The following CHN1 variants were observed in gnomAD, a reference collection of about 807,000 sequenced individuals.
The protein encoded by CHN1 is chimerin 1, also known as N-chimaerin.
Under a neutral mutation model 59.5 loss-of-function variants are expected in CHN1, and 37 were observed. The observed-to-expected ratio is 0.62, with a 90% CI of 0.48 to 0.82. CHN1 has a LOEUF of 0.82. Ranked by LOEUF, CHN1 falls within the 40% of genes least tolerant of loss-of-function variation. The pLI is 0.00. For synonymous variants in CHN1, 206 were observed against 200.4 expected, an observed-to-expected ratio of 1.03 and a Z score of -0.24; for missense variants, 469 against 571.0, an observed-to-expected ratio of 0.82 and a Z score of 1.82.
rs1252837229 is a variant in CHN1 at position 174,875,571 on chromosome 2, T to C, written c.549+2269A>G. ...GTTTGCCCAAAGTGACATATAAAAT[T>C]CATTCTTGTAGAACTAGAACATAGC... On this transcript the variant is annotated intron_variant, in intron 6 of 12. Transcript: ENST00000409900. 1.7e-4 allele frequency among the ~76,000 whole-genome samples: 26 copies of C among 152,204 alleles called. 1 individual carries two copies. Among genetic ancestry groups the C allele is most frequent in the Admixed American group, 1.7e-3 (26 of 15,292 alleles).
chr2:174,898,028 TAC>T (rs1688273013), intron 5 of CHN1, among the ~76,000 whole-genome samples: 1 of 152,206 alleles, frequency 6.6e-6, no homozygotes, highest in Non-Finnish European at 1.5e-5. Context: ...CTAGACTAAC[TAC>T]TACATTTCTC....
At chr2:174,981,160 C>T (rs911147918) in intron 1 of CHN1, among the ~76,000 whole-genome samples, 1 of 152,012 alleles carries the variant, frequency 6.6e-6, no homozygotes, top group East Asian at 1.9e-4. Context: ...TCTTTCACTT[C>T]GAGTTGGATA....
chr2:174,896,584 T>C (rs766907771), intron 5 of CHN1, among the ~76,000 whole-genome samples: 11 of 152,148 alleles, frequency 7.2e-5, no homozygotes, highest in South Asian at 2.1e-4. Context: ...CTGAAAATCA[T>C]GATGTCAGTC....
chr2:174,807,743 T>A (rs1488935632), intron 11 of CHN1, among the ~76,000 whole-genome samples: 1 of 152,046 alleles, frequency 6.6e-6, no homozygotes, highest in Non-Finnish European at 1.5e-5. Context: ...CAGACCTCCA[T>A]GGAACTAACC....
intron 2 of CHN1, among the ~76,000 whole-genome samples, chr2:174,950,777 G>GTTTTT (rs34886920): frequency 1.6e-5 from 2 of 127,294 alleles, no homozygotes; most frequent in African/African-American, 6.2e-5. Flanking sequence ...ATGCAGAGAA[G>GTTTTT]TTTTTTTTTT....
intron 5 of CHN1, among the ~76,000 whole-genome samples, chr2:174,883,157 G>A (rs1307190790): frequency 6.6e-6 from 1 of 152,172 alleles, no homozygotes; most frequent in Non-Finnish European, 1.5e-5. Context: ...AGGTAGAACT[G>A]ATATAGAAGG....
intron 1 of CHN1, among the ~76,000 whole-genome samples, chr2:174,952,939 G>C (rs901358200): frequency 1.3e-5 from 2 of 152,162 alleles, no homozygotes; most frequent in African/African-American, 4.8e-5. Context: ...AAAGAAGAAG[G>C]GGCCAGTGTA....
At chr2:174,890,758 A>C (rs1688019839) in intron 5 of CHN1, among the ~76,000 whole-genome samples, 1 of 152,092 alleles carries the variant, frequency 6.6e-6, no homozygotes, top group Non-Finnish European at 1.5e-5. Flanking sequence ...AGAACACTCC[A>C]CCAAACAGCA....
Position 174,844,887 on chromosome 2 carries a change from A to C in CHN1, c.627+1993T>G, listed in dbSNP as rs557487694. On this transcript the variant is annotated intron_variant, in intron 7 of 12. Coordinates refer to ENST00000409900, the MANE Select transcript of CHN1 (RefSeq NM_001822.7). ...AATGAACTCTTTCTTGAGCATAAAT[A>C]CTCTAAGAACAAGTCCAAGCTGGTT... Among the ~76,000 whole-genome samples, 3 of 152,236 alleles carry C rather than the reference A, an allele frequency of 2.0e-5. No homozygotes were observed. The South Asian group carries it at 6.2e-4, about 32-fold the overall frequency.
chr2:174,957,547 TTCAAG>T (rs1157224922), intron 1 of CHN1, among the ~76,000 whole-genome samples: 1 of 152,016 alleles, frequency 6.6e-6, no homozygotes, highest in African/African-American at 2.4e-5. Flanking sequence ...CCTGTAAGCA[TTCAAG>T]TCATGTTATT....
chr2:174,885,027 C>A (rs1009081434), intron 5 of CHN1, among the ~76,000 whole-genome samples: 1 of 151,896 alleles, frequency 6.6e-6, no homozygotes, highest in Non-Finnish European at 1.5e-5. Flanking sequence ...GTGGCTCATG[C>A]CTGTAATCCC....
At chr2:174,862,996 AG>A (rs1687113042) in intron 6 of CHN1, among the ~76,000 whole-genome samples, 2 of 152,218 alleles carry the variant, frequency 1.3e-5, no homozygotes, top group Admixed American at 1.3e-4. Flanking sequence ...GGCTACCTCA[AG>A]GAAACAACTG....
chr2:174,926,321 G>A (rs1180637324), intron 3 of CHN1, among the ~76,000 whole-genome samples: 1 of 151,682 alleles, frequency 6.6e-6, no homozygotes, highest in African/African-American at 2.4e-5. Context: ...CCTACCTCAG[G>A]CCCCTGAGTA....
chr2:174,900,761 C>T (rs564055466), intron 5 of CHN1, among the ~76,000 whole-genome samples: 124 of 151,458 alleles, frequency 8.2e-4, no homozygotes, highest in Admixed American at 2.4e-3. Context: ...GCTGAGATTG[C>T]GCCATTGCAC....
intron 6 of CHN1, among the ~76,000 whole-genome samples, chr2:174,865,645 G>GT (rs944989226): frequency 4.6e-5 from 7 of 152,322 alleles, no homozygotes; most frequent in South Asian, 4.1e-4. Context: ...CCTTAGAAAT[G>GT]TATAGTAGGG....
At chr2:174,851,127 TTCTGGCTCTATAA>T (rs1317074557) in intron 6 of CHN1, among the ~76,000 whole-genome samples, 1 of 152,226 alleles carries the variant, frequency 6.6e-6, no homozygotes, top group African/African-American at 2.4e-5. Flanking sequence ...ACCTCTCATA[TTCTGGCTCTATAA>T]AACAGAAGAA....
At chr2:174,910,016 C>A (rs1487811233) in intron 5 of CHN1, among the ~76,000 whole-genome samples, 3 of 152,196 alleles carry the variant, frequency 2.0e-5, no homozygotes, top group Non-Finnish European at 4.4e-5. Flanking sequence ...ACTACAACTT[C>A]ATTTCCAAAG....
chr2:174,950,161 T>C (rs1274082035), intron 2 of CHN1, among the ~76,000 whole-genome samples: 1 of 151,774 alleles, frequency 6.6e-6, no homozygotes, highest in Non-Finnish European at 1.5e-5. Flanking sequence ...AGTGGGAGGA[T>C]CACTTGAGCC....
chr2:174,848,699 A>G (rs1686625968), intron 6 of CHN1, among the ~76,000 whole-genome samples: 1 of 152,074 alleles, frequency 6.6e-6, no homozygotes, highest in African/African-American at 2.4e-5. Context: ...ATAACAAATG[A>G]CTGATTTTCT....
Sources: allele counts gnomAD v4.1 joint callset (sites outside exome capture counted in the v4.1 genomes callset), GRCh38; gene constraint gnomAD v4.1.1; transcripts MANE v1.5; gene names NCBI Gene and HGNC (gene_info 2026-07-23, HGNC 2026-07-21).